HIVEP3: variants seen among roughly 807,000 people sequenced by gnomAD.
HIVEP3 encodes the protein HIVEP zinc finger 3, also known as transcription factor HIVEP3.
HIVEP3 carries 49 observed loss-of-function variants against 152.8 expected under a neutral mutation model. The observed-to-expected ratio is 0.32, with a 90% CI of 0.26 to 0.41. The LOEUF (loss-of-function observed/expected upper bound fraction) is 0.41. HIVEP3 is among the 10% of genes least tolerant of loss of function. The probability of loss-of-function intolerance (pLI) is 1.00; values close to 1 mark genes in which losing one functional copy is unlikely to be tolerated. For missense variants in HIVEP3, 2,790 were observed against 3,103.3 expected (o/e 0.90, Z 2.40); for synonymous variants, 1,269 against 1,289.0 (o/e 0.98, Z 0.33).
At chr1:41,839,240 C>T (rs1202156665) in intron 1 of HIVEP3, among the ~76,000 whole-genome samples, 2 of 152,158 alleles carry the variant, frequency 1.3e-5, no homozygotes, top group African/African-American at 4.8e-5. Context: ...CCCACCTCCC[C>T]ATCCAAAGCA....
At chr1:41,553,307 A>G (rs1407207885) in intron 5 of HIVEP3, among the ~76,000 whole-genome samples, 3 of 152,152 alleles carry the variant, frequency 2.0e-5, no homozygotes, top group African/African-American at 7.2e-5. Flanking sequence ...TTTATCAGAG[A>G]CTAGGATTGC....
chr1:41,556,125 G>T (rs1055478355), intron 5 of HIVEP3, among the ~76,000 whole-genome samples: 1 of 152,148 alleles, frequency 6.6e-6, no homozygotes, highest in African/African-American at 2.4e-5. Flanking sequence ...CCTGATTTCG[G>T]TATTGGTGGT....
intron 3 of HIVEP3, among the ~76,000 whole-genome samples, chr1:41,589,550 C>T (rs1487684192): frequency 1.3e-5 from 2 of 152,240 alleles, no homozygotes; most frequent in Admixed American, 1.3e-4. Context: ...GACAACATGA[C>T]CATGGCCCAG....
intron 1 of HIVEP3, among the ~76,000 whole-genome samples, chr1:41,902,183 T>G (rs1427332880): frequency 6.6e-6 from 1 of 152,250 alleles, no homozygotes; most frequent in Admixed American, 6.5e-5. Context: ...CTAAAAGGAA[T>G]GCTTAAAAGG....
intron 5 of HIVEP3, among the ~76,000 whole-genome samples, chr1:41,547,219 T>C (rs1643824734): frequency 6.6e-6 from 1 of 152,222 alleles, no homozygotes; most frequent in African/African-American, 2.4e-5. Context: ...TTAAAGCATC[T>C]ACGGATTTTA....
intron 1 of HIVEP3, among the ~76,000 whole-genome samples, chr1:41,709,364 C>T (rs978057986): frequency 1.3e-5 from 2 of 152,196 alleles, no homozygotes; most frequent in African/African-American, 4.8e-5. Context: ...AGCAGCAGGC[C>T]AGGACAGCTG....
At chr1:41,964,308 C>G (rs1645186179) in intron 1 of HIVEP3, among the ~76,000 whole-genome samples, 1 of 152,102 alleles carries the variant, frequency 6.6e-6, no homozygotes, top group Non-Finnish European at 1.5e-5. Flanking sequence ...GGGAGCCACA[C>G]GGGGAAAGGG....
chr1:41,820,895 G>A (rs1570605958), intron 1 of HIVEP3, among the ~76,000 whole-genome samples: 2 of 152,222 alleles, frequency 1.3e-5, no homozygotes, highest in East Asian at 3.8e-4. Flanking sequence ...TCAATTCAAA[G>A]TAAGAAATCC....
Position 41,586,611 on chromosome 1 carries a change from G to T in HIVEP3, c.-521-1293C>A, listed in dbSNP as rs1353181790. 2.0e-5 allele frequency among the ~76,000 whole-genome samples: 3 copies of T among 152,158 alleles called. No homozygotes were observed. In the East Asian group the frequency reaches 5.8e-4, roughly 29 times the overall value. ...ATGCTCACACTCTTCGTTTCACTAG[G>T]TGTGTGATGATACAGACTTGAAAAT... is the stretch of plus-strand genomic sequence containing the variant. On this transcript the variant is annotated intron_variant, in intron 3 of 8. Transcript: ENST00000372583.
intron 1 of HIVEP3, among the ~76,000 whole-genome samples, chr1:41,890,220 C>A (rs1263380147): frequency 6.6e-6 from 1 of 152,228 alleles, no homozygotes; most frequent in African/African-American, 2.4e-5. Flanking sequence ...AATGCTCAGT[C>A]AGCACTCCTT....
At chr1:41,712,771 G>A (rs959566629) in intron 1 of HIVEP3, among the ~76,000 whole-genome samples, 3 of 152,114 alleles carry the variant, frequency 2.0e-5, no homozygotes, top group African/African-American at 7.2e-5. Flanking sequence ...CATAGACACC[G>A]TTCCTCCCTC....
chr1:41,538,431 C>G (rs1643450815), intron 5 of HIVEP3, among the ~76,000 whole-genome samples: 2 of 152,172 alleles, frequency 1.3e-5, no homozygotes. Flanking sequence ...GCTGATGAGG[C>G]AAGCTCTTGT....
At chr1:41,532,406 C>T (rs1475795304) in intron 5 of HIVEP3, among the ~76,000 whole-genome samples, 1 of 152,004 alleles carries the variant, frequency 6.6e-6, no homozygotes, top group African/African-American at 2.4e-5. Flanking sequence ...TATTTGGTTG[C>T]AGAGAGGAGA....
At position 41,511,423 on chromosome 1, in the gene HIVEP3, C is replaced by T. The variant is rs1425600800; in HGVS notation, c.6406-157G>A. Among the ~76,000 whole-genome samples, 1 of 152,182 alleles carries T rather than the reference C, an allele frequency of 6.6e-6. No homozygotes were observed. The highest frequency in any genetic ancestry group is 2.4e-5 in the African/African-American group (1 of 41,438). Reference sequence around the variant, plus strand: ...CAGAACCAAGTTCCTGACTCCCTGCCCACAGATGCTGAGCCAGCTGCCATC... The same window carrying T: ...CAGAACCAAGTTCCTGACTCCCTGCTCACAGATGCTGAGCCAGCTGCCATC... On this transcript the variant is annotated intron_variant, in intron 8 of 8. Coordinates refer to ENST00000372583, the MANE Select transcript of HIVEP3 (RefSeq NM_024503.5). The surrounding 1 kb of genome is among the most constrained non-coding windows in gnomAD (Gnocchi z 4.9).
At chr1:41,776,941 G>A (rs1211661695) in intron 1 of HIVEP3, among the ~76,000 whole-genome samples, 1 of 152,228 alleles carries the variant, frequency 6.6e-6, no homozygotes, top group Non-Finnish European at 1.5e-5. Flanking sequence ...AGCTCTGGGA[G>A]GGACCAGGGA....
intron 1 of HIVEP3, among the ~76,000 whole-genome samples, chr1:42,019,947 C>G (rs1326148432): frequency 6.6e-6 from 1 of 152,022 alleles, no homozygotes; most frequent in Non-Finnish European, 1.5e-5. Context: ...TTTTCTACAT[C>G]TATGTAGATT....
chr1:41,545,722 A>T (rs139529214), intron 5 of HIVEP3, among the ~76,000 whole-genome samples: 2 of 13,384 alleles, frequency 1.5e-4, no homozygotes, highest in Non-Finnish European at 3.7e-4. Flanking sequence ...ACCACCACCA[A>T]TACCACTACC....
chr1:41,634,322 C>T (rs1373802781), intron 2 of HIVEP3, among the ~76,000 whole-genome samples: 1 of 152,108 alleles, frequency 6.6e-6, no homozygotes, highest in South Asian at 2.1e-4. Flanking sequence ...TAATTCTTGA[C>T]ATCAATAGAG....
At chr1:41,822,088 G>C (rs537822530) in intron 1 of HIVEP3, among the ~76,000 whole-genome samples, 10 of 152,308 alleles carry the variant, frequency 6.6e-5, no homozygotes, top group South Asian at 2.1e-4. Context: ...GCTTGTCTCT[G>C]CTCCATGTGT....
Sources: gnomAD v4.1 joint callset for allele counts (sites outside exome capture counted in the v4.1 genomes callset) on GRCh38, gnomAD v4.1.1 for gene constraint, Gnocchi (gnomAD v3.1) non-coding constraint, MANE v1.5 for transcripts, NCBI Gene and HGNC (gene_info 2026-07-23, HGNC 2026-07-21) for gene names.